Variants in LRRC4C observed in about 807,000 individuals in gnomAD.
LRRC4C encodes leucine-rich repeat-containing protein 4C.
Under a neutral mutation model 33.6 loss-of-function variants are expected in LRRC4C, and 5 were observed. The observed-to-expected ratio is 0.15, with a 90% CI of 0.08 to 0.31. The LOEUF (loss-of-function observed/expected upper bound fraction) is 0.31. Ranked by LOEUF, LRRC4C falls within the 10% of genes least tolerant of loss-of-function variation. The pLI is 1.00. For synonymous variants in LRRC4C, 329 were observed against 302.0 expected (o/e 1.09, Z -0.93); for missense variants, 560 against 796.7 (o/e 0.70, Z 3.58).
In LRRC4C at chr11:41,035,609, C is replaced by T. The variant is rs537705440; in HGVS notation, c.-495-101886G>A. Among the ~76,000 whole-genome samples, 126 of 152,124 alleles carry T rather than the reference C, an allele frequency of 8.3e-4. 2 individuals are homozygous for T. The South Asian group carries it at 0.02, about 25-fold the overall frequency. ...TTTTAAATGTGGACTCTGGGGAGAG[C>T]GTAACTGAGGTGAAGCAGGATGAAT... On this transcript the variant is annotated intron_variant, in intron 1 of 6. Coordinates refer to ENST00000528697, the MANE Select transcript of LRRC4C (RefSeq NM_001258419.2).
chr11:40,686,506 C>T (rs918266787), intron 2 of LRRC4C, among the ~76,000 whole-genome samples: 6 of 151,878 alleles, frequency 4.0e-5, no homozygotes, highest in East Asian at 1.9e-4. Context: ...GCGGCCCAGA[C>T]GTTGAGTATA....
chr11:40,121,000 T>A (rs1855781933), intron 6 of LRRC4C, among the ~76,000 whole-genome samples: 1 of 152,188 alleles, frequency 6.6e-6, no homozygotes, highest in Admixed American at 6.5e-5. Flanking sequence ...TATGTAAAGT[T>A]ACTGACTCAT....
At chr11:40,619,144 G>A (rs1962181782) in intron 3 of LRRC4C, among the ~76,000 whole-genome samples, 1 of 151,602 alleles carries the variant, frequency 6.6e-6, no homozygotes, top group African/African-American at 2.4e-5. Context: ...CTAGTAGTGG[G>A]GGTTGGGGGA....
chr11:41,156,991 G>A (rs1944260544), intron 1 of LRRC4C, among the ~76,000 whole-genome samples: 1 of 152,004 alleles, frequency 6.6e-6, no homozygotes, highest in African/African-American at 2.4e-5. Context: ...TTGGAGAAGT[G>A]TTTGCTGTCT....
intron 1 of LRRC4C, among the ~76,000 whole-genome samples, chr11:40,992,722 CTA>C (rs1265770725): frequency 6.6e-6 from 1 of 152,134 alleles, no homozygotes; most frequent in Non-Finnish European, 1.5e-5. Flanking sequence ...ACATTAAGAA[CTA>C]TAAGATTGCT....
chr11:40,828,531 T>A (rs1952267165), intron 2 of LRRC4C, among the ~76,000 whole-genome samples: 1 of 151,954 alleles, frequency 6.6e-6, no homozygotes, highest in Non-Finnish European at 1.5e-5. Flanking sequence ...GGTTCGCATT[T>A]ATACTAAAAT....
At chr11:41,151,739 A>T (rs1282233780) in intron 1 of LRRC4C, among the ~76,000 whole-genome samples, 1 of 152,220 alleles carries the variant, frequency 6.6e-6, no homozygotes, top group African/African-American at 2.4e-5. Flanking sequence ...TAAGGCACTC[A>T]CTAAAAAAGA....
At chr11:40,882,773 C>T (rs1262770156) in intron 2 of LRRC4C, among the ~76,000 whole-genome samples, 1 of 152,060 alleles carries the variant, frequency 6.6e-6, no homozygotes, top group African/African-American at 2.4e-5. Flanking sequence ...CCTCCTCTTC[C>T]TTTCTCTTTT....
intron 4 of LRRC4C, among the ~76,000 whole-genome samples, chr11:40,287,837 T>A (rs1943946696): frequency 6.6e-6 from 1 of 152,234 alleles, no homozygotes; most frequent in Non-Finnish European, 1.5e-5. Context: ...TCTATATATG[T>A]TTTAAAATGG....
intron 1 of LRRC4C, among the ~76,000 whole-genome samples, chr11:41,441,989 T>A (rs1168812334): frequency 1.3e-5 from 2 of 152,206 alleles, no homozygotes; most frequent in Non-Finnish European, 2.9e-5. Flanking sequence ...ATATTACTAT[T>A]CAGTCTTCAA....
At chr11:41,203,530 G>C (rs1358881424) in intron 1 of LRRC4C, among the ~76,000 whole-genome samples, 1 of 152,148 alleles carries the variant, frequency 6.6e-6, no homozygotes, top group Non-Finnish European at 1.5e-5. Context: ...AAGAGTCCCT[G>C]CATCCCACAT....
intron 1 of LRRC4C, among the ~76,000 whole-genome samples, chr11:41,113,085 A>G (rs937719824): frequency 9.9e-5 from 15 of 152,100 alleles, no homozygotes; most frequent in Admixed American, 8.5e-4. Context: ...ATATCTAACC[A>G]TGCTAAACTT....
intron 1 of LRRC4C, among the ~76,000 whole-genome samples, chr11:41,243,251 T>C (rs114179239): frequency 0.014 from 2,187 of 152,324 alleles, 62 homozygotes; most frequent in African/African-American, 0.05. Flanking sequence ...AACATCTCTC[T>C]TAACAATTAT....
chr11:41,405,149 A>G (rs11036389), intron 1 of LRRC4C, among the ~76,000 whole-genome samples: 11,878 of 152,168 alleles, frequency 0.078, 1,522 homozygotes, highest in African/African-American at 0.27. Context: ...TAAACTGATA[A>G]TAGAATAAAC....
intron 6 of LRRC4C, among the ~76,000 whole-genome samples, chr11:40,123,897 A>G (rs2134696183): frequency 1.3e-5 from 2 of 152,280 alleles, no homozygotes; most frequent in South Asian, 2.1e-4. Context: ...AGACACATAC[A>G]CCAATGGAAC....
chr11:40,316,218 AC>A (rs1465318866), intron 4 of LRRC4C, among the ~76,000 whole-genome samples: 1 of 152,056 alleles, frequency 6.6e-6, no homozygotes, highest in Non-Finnish European at 1.5e-5. Context: ...CTCATTATAG[AC>A]ATTGGGGGAA....
At chr11:41,183,687 G>A (rs1226503336) in intron 1 of LRRC4C, among the ~76,000 whole-genome samples, 2 of 152,184 alleles carry the variant, frequency 1.3e-5, no homozygotes, top group Non-Finnish European at 2.9e-5. Context: ...CTACCATTCT[G>A]GGGTTTGGAG....
intron 3 of LRRC4C, among the ~76,000 whole-genome samples, chr11:40,604,103 C>A (rs1178749606): frequency 6.6e-6 from 1 of 151,936 alleles, no homozygotes; most frequent in African/African-American, 2.4e-5. Flanking sequence ...AAATATGCAT[C>A]CAACCACAAA....
chr11:41,328,127 G>A (rs1440404457), intron 1 of LRRC4C, among the ~76,000 whole-genome samples: 3 of 152,106 alleles, frequency 2.0e-5, no homozygotes, highest in Non-Finnish European at 4.4e-5. Context: ...ATTGCTGCAG[G>A]TACCCCTACT....
Sources: gnomAD v4.1 joint callset for allele counts (sites outside exome capture counted in the v4.1 genomes callset) on GRCh38, gnomAD v4.1.1 for gene constraint, MANE v1.5 for transcripts, NCBI Gene and HGNC (gene_info 2026-07-23, HGNC 2026-07-21) for gene names.